Variants in PTPN21 observed in about 807,000 individuals in gnomAD.
The protein encoded by PTPN21 is protein tyrosine phosphatase non-receptor type 21.
PTPN21 carries 77 observed loss-of-function variants against 131.8 expected under a neutral mutation model. The observed-to-expected ratio is 0.58, with a 90% CI of 0.49 to 0.71. The LOEUF (loss-of-function observed/expected upper bound fraction) is 0.71. Among genes scored for constraint, PTPN21 ranks in the 30% least tolerant of loss-of-function variants. The pLI, the probability that PTPN21 is intolerant of heterozygous loss-of-function variation, is 0.00. For synonymous variants in PTPN21, 715 were observed against 621.3 expected (o/e 1.15, Z -2.24); for missense variants, 1,552 against 1,527.1 (o/e 1.02, Z -0.27).
chr14:88,477,210 A>G (rs2077558698), intron 13 of PTPN21, among the ~76,000 whole-genome samples: 1 of 152,110 alleles, frequency 6.6e-6, no homozygotes, highest in Non-Finnish European at 1.5e-5. Flanking sequence ...GATGTGAGTT[A>G]TGTTGCATAC....
chr14:88,469,934 C>A lies in PTPN21; in HGVS notation c.2988G>T (p.Val996=). 1 of 1,614,086 alleles carries A rather than the reference C, an allele frequency of 6.2e-7. No individual in the cohort carries two copies. The highest frequency in any genetic ancestry group is 1.7e-5 in the Admixed American group (1 of 60,030). The part of the protein sequence containing the change: ...WEQGIAIIAM[V]TAEEEGGREK... The stretch of plus-strand genomic sequence containing the variant: ...AATAAGTACCTACCTCTTCTGCTGT[C>A]ACCATTGCTATAATTGCAATTCCCT... The change falls in exon 16 of 19, where the codon GTG becomes GTT. Residue 996 remains valine, a synonymous_variant. Transcript: ENST00000556564. The surrounding 1 kb of genome is among the most constrained non-coding windows in gnomAD (Gnocchi z 4.3).
At chr14:88,491,337 G>A (rs780211231) in intron 10 of PTPN21, among the ~76,000 whole-genome samples, 3 of 152,164 alleles carry the variant, frequency 2.0e-5, no homozygotes, top group Non-Finnish European at 2.9e-5. Flanking sequence ...AGGACTGGGG[G>A]TAAAGGGGAC....
At position 88,472,228 on chromosome 14, in the gene PTPN21, G is replaced by A; in HGVS notation, c.2871+16C>T. 1 of 1,484,540 alleles carries A rather than the reference G, an allele frequency of 6.7e-7. No individual in the cohort carries two copies. The highest frequency in any genetic ancestry group is 1.1e-5 in the South Asian group (1 of 87,660). 92.0% of individuals were successfully genotyped at this position (1,484,540 alleles called of 1,614,324 possible). A position where few individuals can be genotyped will look rare whatever the true frequency, so the allele number is the denominator to read the frequency against. On this transcript the variant is annotated intron_variant, in intron 15 of 18. Coordinates refer to ENST00000556564, the MANE Select transcript of PTPN21 (RefSeq NM_007039.4). ...AAACTGCATGTGCTGTTGATTACTTGAGGCGTTCCTCTCACCTTAATATGT... is the reference window on the plus strand; with the variant it reads ...AAACTGCATGTGCTGTTGATTACTTAAGGCGTTCCTCTCACCTTAATATGT...
intron 2 of PTPN21, among the ~76,000 whole-genome samples, chr14:88,518,398 A>G (rs1227886365): frequency 2.7e-4 from 5 of 18,794 alleles, no homozygotes; most frequent in Non-Finnish European, 7.1e-4. Flanking sequence ...ATATATATAT[A>G]TATATATATA....
At chr14:88,482,851 A>G (rs1272924512) in intron 12 of PTPN21, among the ~76,000 whole-genome samples, 1 of 151,516 alleles carries the variant, frequency 6.6e-6, no homozygotes, top group Admixed American at 6.6e-5. Flanking sequence ...GCTTTAACAG[A>G]GTGGCAAAGA....
intron 3 of PTPN21, among the ~76,000 whole-genome samples, chr14:88,510,267 T>C (rs1381361596): frequency 6.6e-6 from 1 of 152,248 alleles, no homozygotes; most frequent in Non-Finnish European, 1.5e-5. Flanking sequence ...GTATGCTTCT[T>C]TGTGTTACAT....
intron 2 of PTPN21, among the ~76,000 whole-genome samples, chr14:88,536,388 A>C (rs2078631441): frequency 6.6e-6 from 1 of 152,258 alleles, no homozygotes; most frequent in Non-Finnish European, 1.5e-5. Context: ...ATAAAAGTTA[A>C]AACAAACTTG....
intron 2 of PTPN21, among the ~76,000 whole-genome samples, chr14:88,533,011 A>G (rs1229096708): frequency 6.6e-6 from 1 of 152,222 alleles, no homozygotes; most frequent in East Asian, 1.9e-4. Flanking sequence ...AAAGGAGTCA[A>G]CCTTGTTTAT....
At chr14:88,543,853 A>C (rs767336411) in intron 2 of PTPN21, among the ~76,000 whole-genome samples, 3 of 152,176 alleles carry the variant, frequency 2.0e-5, no homozygotes, top group Admixed American at 6.5e-5. Context: ...TCAACTTCAA[A>C]ACAATAGTTA....
intron 10 of PTPN21, among the ~76,000 whole-genome samples, chr14:88,493,426 C>G (rs929555279): frequency 2.6e-5 from 4 of 152,108 alleles, no homozygotes; most frequent in Admixed American, 1.3e-4. Context: ...TGGGGGCATT[C>G]ACATGATAAG....
At chr14:88,553,646 T>G (rs1159827281) in intron 1 of PTPN21, among the ~76,000 whole-genome samples, 1 of 151,908 alleles carries the variant, frequency 6.6e-6, no homozygotes. Flanking sequence ...TTCCGTTTTG[T>G]GGTAAGTAAA....
intron 2 of PTPN21, among the ~76,000 whole-genome samples, chr14:88,544,128 T>C (rs1463902272): frequency 1.3e-5 from 2 of 152,178 alleles, no homozygotes; most frequent in Non-Finnish European, 2.9e-5. Flanking sequence ...GTGGATCACC[T>C]GAGGTCAGGA....
chr14:88,471,042 G>A (rs1008987552), intron 15 of PTPN21, among the ~76,000 whole-genome samples: 1 of 152,166 alleles, frequency 6.6e-6, no homozygotes, highest in Non-Finnish European at 1.5e-5. Context: ...CTAGTCATGA[G>A]AGACTGGATG....
chr14:88,475,536 T>C (rs73329675), intron 13 of PTPN21, among the ~76,000 whole-genome samples: 5,629 of 152,216 alleles, frequency 0.037, 350 homozygotes, highest in African/African-American at 0.13. Context: ...GAGACAGATA[T>C]ATCCAGACAC....
intron 12 of PTPN21, among the ~76,000 whole-genome samples, chr14:88,480,691 C>T (rs983927229): frequency 6.6e-6 from 1 of 152,210 alleles, no homozygotes; most frequent in African/African-American, 2.4e-5. Context: ...GGGCTGGGGA[C>T]TCTGCCTTTC....
At chr14:88,535,107 T>C (rs1331887398) in intron 2 of PTPN21, among the ~76,000 whole-genome samples, 1 of 152,166 alleles carries the variant, frequency 6.6e-6, no homozygotes, top group Non-Finnish European at 1.5e-5. Flanking sequence ...TGCTTAGATA[T>C]GTTTAAGTAC....
chr14:88,488,055 A>G (rs935549084), intron 10 of PTPN21, among the ~76,000 whole-genome samples: 1 of 151,560 alleles, frequency 6.6e-6, no homozygotes, highest in African/African-American at 2.4e-5. Flanking sequence ...GTTATTCTTC[A>G]TTGTCAGGAC....
At chr14:88,541,821 A>G (rs1422042022) in intron 2 of PTPN21, among the ~76,000 whole-genome samples, 2 of 152,228 alleles carry the variant, frequency 1.3e-5, no homozygotes, top group African/African-American at 4.8e-5. Context: ...TTGTTCACAA[A>G]TATTCCATCC....
At position 88,497,220 on chromosome 14, in the gene PTPN21, TCTC is replaced by T. The variant is rs2077931983; in HGVS notation, c.832_834del (p.Glu278del). Reference sequence around the variant, plus strand: ...TTACTCACAGTTTGAAATTGAATGGTCTCCTCTTTATTTGCCAGCTCTAATGCA... The same window carrying T: ...TTACTCACAGTTTGAAATTGAATGGTCTCTTTATTTGCCAGCTCTAATGCA... On this transcript the variant is annotated inframe_deletion, in exon 9 of 19. Transcript: ENST00000556564. The T allele has an allele frequency of 1.9e-6, 3 of 1,609,306 alleles. No homozygotes were observed. Among genetic ancestry groups the T allele is most frequent in the Admixed American group, 1.7e-5 (1 of 59,998 alleles).
Sources: gnomAD v4.1 joint callset for allele counts (sites outside exome capture counted in the v4.1 genomes callset) on GRCh38, gnomAD v4.1.1 for gene constraint, Gnocchi (gnomAD v3.1) non-coding constraint, MANE v1.5 for transcripts, NCBI Gene and HGNC (gene_info 2026-07-23, HGNC 2026-07-21) for gene names.